Variants in FAM53B observed in about 807,000 individuals in gnomAD.
The protein encoded by FAM53B is family with sequence similarity 53 member B.
In FAM53B, 12 loss-of-function variants were observed where a neutral mutation model predicts 32.7. The observed-to-expected ratio is 0.37, with a 90% CI of 0.24 to 0.59. The LOEUF (loss-of-function observed/expected upper bound fraction) is 0.59. Ranked by LOEUF, FAM53B falls within the 20% of genes least tolerant of loss-of-function variation. The probability of loss-of-function intolerance (pLI) is 0.72; values close to 1 mark genes in which losing one functional copy is unlikely to be tolerated. For missense variants in FAM53B, 477 were observed against 577.7 expected (o/e 0.83, Z 1.79); for synonymous variants, 234 against 228.7 (o/e 1.02, Z -0.21).
intron 2 of FAM53B, among the ~76,000 whole-genome samples, chr10:124,703,263 T>G (rs1170933800): frequency 6.6e-6 from 1 of 152,214 alleles, no homozygotes; most frequent in Non-Finnish European, 1.5e-5. Flanking sequence ...TTAGCCAGGA[T>G]GGTCTTGATC....
chr10:124,672,314 C>T (rs1949711663), intron 4 of FAM53B, among the ~76,000 whole-genome samples: 1 of 152,260 alleles, frequency 6.6e-6, no homozygotes, highest in South Asian at 2.1e-4. Context: ...GGGCTCTCAA[C>T]AGCCCGCAGG....
intron 4 of FAM53B, among the ~76,000 whole-genome samples, chr10:124,640,836 G>A (rs1200626583): frequency 6.6e-6 from 1 of 152,186 alleles, no homozygotes; most frequent in African/African-American, 2.4e-5. Context: ...CAGGAAGAGA[G>A]GAGGAGGAAA....
chr10:124,625,028 G>A (rs539249769), intron 4 of FAM53B, among the ~76,000 whole-genome samples: 1 of 152,204 alleles, frequency 6.6e-6, no homozygotes, highest in Non-Finnish European at 1.5e-5. Flanking sequence ...AGCACCCGCC[G>A]CCTCCCTCGC....
chr10:124,721,603 A>C (rs1284727336), intron 1 of FAM53B, among the ~76,000 whole-genome samples: 1 of 152,222 alleles, frequency 6.6e-6, no homozygotes, highest in East Asian at 1.9e-4. Context: ...GAGCTTACTT[A>C]TGGGAGACAG....
intron 3 of FAM53B, among the ~76,000 whole-genome samples, chr10:124,683,428 C>T (rs186264926): frequency 8.5e-4 from 129 of 152,276 alleles, no homozygotes; most frequent in African/African-American, 3.0e-3. Context: ...ATGTGAATGG[C>T]TTGAGTCAGT....
chr10:124,679,843 G>T (rs550551221), intron 4 of FAM53B, among the ~76,000 whole-genome samples: 1 of 152,374 alleles, frequency 6.6e-6, no homozygotes, highest in Non-Finnish European at 1.5e-5. Context: ...CTAACCAAAC[G>T]AGGTCAAGAA....
chr10:124,677,168 G>A (rs1298670493), intron 4 of FAM53B, among the ~76,000 whole-genome samples: 4 of 152,318 alleles, frequency 2.6e-5, no homozygotes, highest in East Asian at 1.9e-4. Flanking sequence ...TCACACACAC[G>A]TGATCCATGT....
chr10:124,723,297 C>T (rs890319968), intron 1 of FAM53B, among the ~76,000 whole-genome samples: 2 of 152,240 alleles, frequency 1.3e-5, no homozygotes, highest in African/African-American at 4.8e-5. Context: ...AGTCAAGTCT[C>T]AACATTCTTG....
intron 1 of FAM53B, chr10:124,742,829 C>T (rs2134108408): frequency 6.6e-6 from 1 of 152,336 alleles, no homozygotes; most frequent in African/African-American, 2.4e-5. Flanking sequence ...CAAGCCATTC[C>T]GGGGGCCACT....
intron 4 of FAM53B, among the ~76,000 whole-genome samples, chr10:124,650,506 G>A (rs568609542): frequency 2.6e-5 from 4 of 152,262 alleles, no homozygotes; most frequent in South Asian, 2.1e-4. Flanking sequence ...TGTGCTAGGC[G>A]CTCTACACCC....
At chr10:124,632,540 CA>C (rs1430712887) in intron 4 of FAM53B, among the ~76,000 whole-genome samples, 2 of 152,200 alleles carry the variant, frequency 1.3e-5, no homozygotes, top group African/African-American at 4.8e-5. Context: ...AAGGTATGTC[CA>C]AGGCTCTCAG....
intron 3 of FAM53B, among the ~76,000 whole-genome samples, chr10:124,686,203 A>G: frequency 6.6e-6 from 1 of 152,270 alleles, no homozygotes; most frequent in Non-Finnish European, 1.5e-5. Flanking sequence ...TGCAGGAACA[A>G]GCACAGATAA....
intron 4 of FAM53B, among the ~76,000 whole-genome samples, chr10:124,626,086 G>C (rs1269840655): frequency 6.6e-6 from 1 of 152,286 alleles, no homozygotes; most frequent in African/African-American, 2.4e-5. Flanking sequence ...CATCTGTTGA[G>C]ATGCGTGTGC....
At chr10:124,670,549 C>T (rs1296509887) in intron 4 of FAM53B, among the ~76,000 whole-genome samples, 1 of 152,172 alleles carries the variant, frequency 6.6e-6, no homozygotes, top group African/African-American at 2.4e-5. Flanking sequence ...TTCACTGTGC[C>T]CTGCGCTCAC....
chr10:124,641,706 A>C (rs1949474754), intron 4 of FAM53B, among the ~76,000 whole-genome samples: 2 of 152,312 alleles, frequency 1.3e-5, no homozygotes, highest in South Asian at 4.1e-4. Context: ...CTGTGCCTGC[A>C]AGAGGCCCCT....
At chr10:124,715,557 G>A (rs1349853325) in intron 1 of FAM53B, among the ~76,000 whole-genome samples, 1 of 152,132 alleles carries the variant, frequency 6.6e-6, no homozygotes, top group Non-Finnish European at 1.5e-5. Flanking sequence ...TGTTTGTGGG[G>A]AGCCCCCCCT....
chr10:124,706,788 G>A lies in FAM53B; in HGVS notation c.-75C>T, dbSNP rs929598907. 1.1e-5 allele frequency: 17 copies of A among 1,607,412 alleles called. No individual in the cohort carries two copies. The highest frequency in any genetic ancestry group is 1.4e-5 in the Non-Finnish European group (16 of 1,176,720). ...CTTCACTTGGGCAGACTTGGGGTGAGTACCTCCTGGGGAATTGATGTCAGC... is the reference window on the plus strand; with the variant it reads ...CTTCACTTGGGCAGACTTGGGGTGAATACCTCCTGGGGAATTGATGTCAGC... On this transcript the variant is annotated 5_prime_UTR_variant, in exon 2 of 5. Coordinates refer to ENST00000337318, the MANE Select transcript of FAM53B (RefSeq NM_014661.4).
At chr10:124,637,783 C>A (rs1043921540) in intron 4 of FAM53B, among the ~76,000 whole-genome samples, 1 of 152,216 alleles carries the variant, frequency 6.6e-6, no homozygotes, top group African/African-American at 2.4e-5. Context: ...CTCCATAGGC[C>A]AGGATCGCCC....
At chr10:124,677,294 C>T (rs1434111541) in intron 4 of FAM53B, among the ~76,000 whole-genome samples, 10 of 152,222 alleles carry the variant, frequency 6.6e-5, no homozygotes. Flanking sequence ...TAATAAACAA[C>T]TCACACCCTC....
Sources: allele counts gnomAD v4.1 joint callset (sites outside exome capture counted in the v4.1 genomes callset), GRCh38; gene constraint gnomAD v4.1.1; transcripts MANE v1.5; gene names NCBI Gene and HGNC (gene_info 2026-07-23, HGNC 2026-07-21).